The following MMS19 variants were observed in gnomAD, a reference collection of about 807,000 sequenced individuals.
The protein encoded by MMS19 is MMS19 nucleotide excision repair protein homolog.
In MMS19, 77 loss-of-function variants were observed where a neutral mutation model predicts 129.8. The ratio of observed to expected loss-of-function variants is 0.59; its 90% CI spans 0.49 to 0.72. The LOEUF is 0.72. Among genes scored for constraint, MMS19 ranks in the 30% least tolerant of loss-of-function variants. The probability of loss-of-function intolerance (pLI) is 0.00; values close to 1 mark genes in which losing one functional copy is unlikely to be tolerated. For missense variants in MMS19, 1,168 were observed against 1,266.3 expected (o/e 0.92, Z 1.18); for synonymous variants, 491 against 502.8 (o/e 0.98, Z 0.31).
At chr10:97,486,861 CCATA>C (rs1417149519) in intron 1 of MMS19, among the ~76,000 whole-genome samples, 10 of 15,596 alleles carry the variant, frequency 6.4e-4, no homozygotes, top group African/African-American at 1.4e-3. Context: ...AATTAAAGTG[CCATA>C]TATATATATA....
rs1273199638 is a variant in MMS19 at position 97,467,985 on chromosome 10, A to AT, written c.1218+266dup. On this transcript the variant is annotated intron_variant, in intron 13 of 30. Transcript: ENST00000438925. ...GTCCTGCTTGGCTAATTTAAAAAAA[A>AT]TTTTTTTTTTTTTAGAGATGGGATC... is the stretch of plus-strand genomic sequence containing the variant. Among the ~76,000 whole-genome samples, 94 of 145,494 alleles carry AT rather than the reference A, an allele frequency of 6.5e-4. 1 individual carries two copies. Among genetic ancestry groups the AT allele is most frequent in the Admixed American group, 1.6e-3 (23 of 14,474 alleles).
intron 5 of MMS19, 32 bp downstream of exon 5, chr10:97,477,820 CAGA>C (rs2036037258): frequency 2.0e-6 from 3 of 1,480,024 alleles, no homozygotes; most frequent in Middle Eastern, 1.8e-4. Context: ...GGGGTAGAGA[CAGA>C]GGAGAATACC....
chr10:97,487,956 C>G lies in MMS19; in HGVS notation c.113-3805G>C, dbSNP rs557212890. ...ACATGGCAAAACATGTGTGTGGTGGCGCATGCCTGTAAATCCCAGCTACTC... is the reference window on the plus strand; with the variant it reads ...ACATGGCAAAACATGTGTGTGGTGGGGCATGCCTGTAAATCCCAGCTACTC... On this transcript the variant is annotated intron_variant, in intron 1 of 30. Coordinates refer to ENST00000438925, the MANE Select transcript of MMS19 (RefSeq NM_022362.5). 4.6e-5 allele frequency among the ~76,000 whole-genome samples: 7 copies of G among 152,072 alleles called. No homozygotes were observed. In the Middle Eastern group the frequency reaches 0.024, roughly 521 times the overall value.
chr10:97,468,856 G>A (rs776775870), intron 12 of MMS19, 110 bp downstream of exon 12: 14 of 1,177,238 alleles, frequency 1.2e-5, no homozygotes, highest in Admixed American at 2.7e-5. Flanking sequence ...TGATCCACCC[G>A]CCTCGGCCTC....
chr10:97,482,737 T>TATAC lies in MMS19; in HGVS notation c.161+1365_161+1366insGTAT, dbSNP rs1369918391. 7.4e-3 allele frequency among the ~76,000 whole-genome samples: 727 copies of TATAC among 98,424 alleles called. 8 individuals are homozygous for TATAC. The highest frequency in any genetic ancestry group is 0.025 in the African/African-American group (669 of 27,016). The allele number at this position is 98,424 out of a possible 152,430, so 64.6% of individuals were successfully genotyped here. On this transcript the variant is annotated intron_variant, in intron 2 of 30. Coordinates refer to ENST00000438925, the MANE Select transcript of MMS19 (RefSeq NM_022362.5). ...GTGTGTGTGTGTGTGTGTATATATA[T>TATAC]ACACACACACACACACACACACACA...
Position 97,458,411 on chromosome 10 carries a change from C to G in MMS19, c.*281G>C. The G allele has an allele frequency of 4.4e-6, 2 of 450,624 alleles. No individual in the cohort carries two copies. The highest frequency in any genetic ancestry group is 7.9e-6 in the Non-Finnish European group (2 of 252,516). The allele number at this position is 450,624 out of a possible 1,614,324, so 27.9% of individuals were successfully genotyped here. ...GCCACACTCATATGCACTCACCCCTCAGCAGCATATCGCCCCTTTTCTGAC... is the reference window on the plus strand; with the variant it reads ...GCCACACTCATATGCACTCACCCCTGAGCAGCATATCGCCCCTTTTCTGAC... On this transcript the variant is annotated 3_prime_UTR_variant, in exon 31 of 31. Transcript: ENST00000438925.
chr10:97,472,762 C>T (rs1031794122), intron 8 of MMS19, among the ~76,000 whole-genome samples: 13 of 152,078 alleles, frequency 8.5e-5, no homozygotes, highest in Non-Finnish European at 1.9e-4. Context: ...GACTCGACCA[C>T]CACGCCCAGT....
chr10:97,478,384 G>C lies in MMS19; in HGVS notation c.268C>G (p.His90Asp), dbSNP rs1331478433. 6.2e-7 allele frequency: 1 copy of C among 1,602,898 alleles called. No individual in the cohort carries two copies. Among genetic ancestry groups the C allele is most frequent in the African/African-American group, 1.3e-5 (1 of 74,850 alleles). Residue 90 changes from histidine (H) to aspartate (D), a missense_variant, in exon 4 of 31, where the codon CAC (histidine) becomes GAC (aspartate). Physicochemically the swap from His to Asp is moderately conservative, Grantham distance 81 (BLOSUM62 -1). Transcript: ENST00000438925. ...CGGTTCTCATAGAACAGTATCAGGT[G>C]TACCACTGCACAAACCAGATTCAGC... ...HTLLLEKEVV[H>D]LILFYENRLK...
At chr10:97,466,990 ATTT>A in intron 14 of MMS19, 89 bp from the exon 15 acceptor site, 11 of 1,393,304 alleles carry the variant, frequency 7.9e-6, no homozygotes, top group Non-Finnish European at 9.7e-6. Context: ...CCTGGGGTAG[ATTT>A]TTTTTTTGAG....
At chr10:97,483,570 G>C (rs1006398581) in intron 2 of MMS19, among the ~76,000 whole-genome samples, 3 of 152,176 alleles carry the variant, frequency 2.0e-5, no homozygotes, top group Non-Finnish European at 4.4e-5. Flanking sequence ...TATGAAATAC[G>C]AGGAAAGTAG....
intron 1 of MMS19, 22 bp from the exon 2 acceptor site, chr10:97,484,173 A>C (rs1459343948): frequency 4.2e-6 from 6 of 1,429,432 alleles, no homozygotes; most frequent in Non-Finnish European, 5.7e-6. Flanking sequence ...AAAATAAATA[A>C]ATATGAAAAA....
chr10:97,461,025 A>G lies in MMS19; in HGVS notation c.2312-18T>C. ...CTGCTGCCCTAAAAAGGAGAGAGGAAATGCTGACATAAAGGCTACACATTT... is the reference window on the plus strand; with the variant it reads ...CTGCTGCCCTAAAAAGGAGAGAGGAGATGCTGACATAAAGGCTACACATTT... On this transcript the variant is annotated intron_variant, in intron 23 of 30. Transcript: ENST00000438925. The G allele has an allele frequency of 6.5e-7, 1 of 1,535,236 alleles. No individual in the cohort carries two copies. Among genetic ancestry groups the G allele is most frequent in the Non-Finnish European group, 8.8e-7 (1 of 1,133,392 alleles).
At position 97,480,934 on chromosome 10, in the gene MMS19, A is replaced by C. The variant is rs765501697; in HGVS notation, c.262+8T>G. The C allele has an allele frequency of 1.9e-6, 3 of 1,581,868 alleles. No individual in the cohort carries two copies. Among genetic ancestry groups the C allele is most frequent in the Non-Finnish European group, 2.6e-6 (3 of 1,156,776 alleles). On this transcript the variant is annotated splice_region_variant and intron_variant, in intron 3 of 30. Transcript: ENST00000438925. ...CCAGGAAGACATTCCTATTAGTGAC[A>C]CCAGTACCTTCCTTCTCCAGGAGCA... is the stretch of plus-strand genomic sequence containing the variant.
chr10:97,465,154 C>T (rs1040266500), intron 18 of MMS19, among the ~76,000 whole-genome samples: 2 of 152,030 alleles, frequency 1.3e-5, no homozygotes, highest in Admixed American at 6.6e-5. Context: ...GGATTACAGG[C>T]GCCTGCCACC....
intron 17 of MMS19, 26 bp from the exon 18 acceptor site, chr10:97,465,980 T>C: frequency 1.9e-6 from 3 of 1,613,266 alleles, no homozygotes; most frequent in Non-Finnish European, 2.5e-6. Flanking sequence ...GAGACAAAGG[T>C]TTACTGTGTG....
At chr10:97,466,447 G>T in intron 16 of MMS19, 57 bp downstream of exon 16, 1 of 1,352,530 alleles carries the variant, frequency 7.4e-7, no homozygotes, top group Non-Finnish European at 1.1e-6. Context: ...TTGATCTTTT[G>T]CTGCCAATAC....
At chr10:97,483,040 A>G (rs1363983708) in intron 2 of MMS19, among the ~76,000 whole-genome samples, 1 of 151,942 alleles carries the variant, frequency 6.6e-6, no homozygotes, top group Admixed American at 6.6e-5. Flanking sequence ...GATTACAGGC[A>G]TGAGCCACCG....
At chr10:97,493,607 G>A (rs970472778) in intron 1 of MMS19, among the ~76,000 whole-genome samples, 1 of 152,194 alleles carries the variant, frequency 6.6e-6, no homozygotes, top group Non-Finnish European at 1.5e-5. Context: ...TTACCACAGT[G>A]ATATAAACAG....
rs150594151 is a variant in MMS19, at chr10:97,494,360, A to T, written c.112+3913T>A. Among the ~76,000 whole-genome samples, 150 of 152,292 alleles carry T rather than the reference A, an allele frequency of 9.8e-4. 2 individuals carry two copies. The East Asian group carries it at 0.023, about 23-fold the overall frequency. On this transcript the variant is annotated intron_variant, in intron 1 of 30. Transcript: ENST00000438925. ...GAATGCACAAACAGATCTCTGTCTG[A>T]TGGAGTTGAAGCCTCTTGAGAATCT...
Sources: allele counts gnomAD v4.1 joint callset (sites outside exome capture counted in the v4.1 genomes callset), GRCh38; gene constraint gnomAD v4.1.1; transcripts MANE v1.5; gene names NCBI Gene and HGNC (gene_info 2026-07-23, HGNC 2026-07-21).